The following JMJD1C variants were observed in gnomAD, a reference collection of about 807,000 sequenced individuals.
The protein encoded by JMJD1C is jumonji domain-containing protein 1C.
A neutral mutation model predicts 245.3 loss-of-function variants in JMJD1C; 31 were observed. The observed-to-expected ratio is 0.13, with a 90% CI of 0.09 to 0.17. JMJD1C has a LOEUF of 0.17. Ranked by LOEUF, JMJD1C falls within the 10% of genes least tolerant of loss-of-function variation. JMJD1C has a pLI of 1.00. For missense variants in JMJD1C, 2,691 were observed against 3,000.2 expected, an observed-to-expected ratio of 0.90 and a Z score of 2.41; for synonymous variants, 1,057 against 1,017.4, an observed-to-expected ratio of 1.04 and a Z score of -0.74.
At chr10:63,439,410 T>G (rs1454855861) in intron 1 of JMJD1C, among the ~76,000 whole-genome samples, 1 of 152,200 alleles carries the variant, frequency 6.6e-6, no homozygotes, top group Non-Finnish European at 1.5e-5. Context: ...TTAATATTAC[T>G]TAAAGAGAAA....
chr10:63,390,675 C>A (rs1055507530), intron 1 of JMJD1C, among the ~76,000 whole-genome samples: 2 of 152,112 alleles, frequency 1.3e-5, no homozygotes, highest in African/African-American at 4.8e-5. Context: ...AACAGCACAT[C>A]AAAAACATCA....
chr10:63,401,998 G>T (rs546380791), intron 1 of JMJD1C, among the ~76,000 whole-genome samples: 1 of 152,050 alleles, frequency 6.6e-6, no homozygotes, highest in Non-Finnish European at 1.5e-5. Flanking sequence ...GCCAGGCGTG[G>T]TGGTGCATGC....
At chr10:63,505,111 G>A (rs1954677684) in intron 1 of JMJD1C, among the ~76,000 whole-genome samples, 2 of 152,048 alleles carry the variant, frequency 1.3e-5, no homozygotes, top group African/African-American at 2.4e-5. Context: ...AGGAGATCGA[G>A]ACCATCCTGG....
chr10:63,169,536 T>G (rs528253642), intron 24 of JMJD1C, among the ~76,000 whole-genome samples: 3 of 151,958 alleles, frequency 2.0e-5, no homozygotes, highest in Admixed American at 6.6e-5. Flanking sequence ...ATGGAGACTG[T>G]GGGGAAAAAA....
chr10:63,311,405 A>G (rs1228834003), intron 2 of JMJD1C, among the ~76,000 whole-genome samples: 1 of 151,790 alleles, frequency 6.6e-6, no homozygotes, highest in Non-Finnish European at 1.5e-5. Flanking sequence ...AAATAAATAA[A>G]CTCAGTAACT....
rs1455272361 is a variant in JMJD1C at position 63,214,544 on chromosome 10, A to G, written c.1623T>C (p.Val541=). 4 of 1,613,794 alleles carry G rather than the reference A, an allele frequency of 2.5e-6. No individual in the cohort carries two copies. In the African/African-American group the frequency reaches 4.0e-5, roughly 16 times the overall value. ...TTGCAATAGAGTGTTTTGAATCACT[A>G]ACATTAGGATCCATTTTCTGAAGTG... ...LQTLQKMDPN[V]SDSKHSIANA... is the part of the protein sequence containing the mutation. Residue 541 remains valine (V), a synonymous_variant, in exon 8 of 26, where the codon GTT becomes GTC. Transcript: ENST00000399262.
intron 2 of JMJD1C, among the ~76,000 whole-genome samples, chr10:63,299,880 A>C (rs1276463451): frequency 6.6e-6 from 1 of 150,652 alleles, no homozygotes; most frequent in Non-Finnish European, 1.5e-5. Flanking sequence ...GTCTTCTTGA[A>C]TTTTCAGTTT....
chr10:63,281,458 C>CTTTTT lies in JMJD1C; in HGVS notation c.334-16699_334-16695dup, dbSNP rs71025144. Among the ~76,000 whole-genome samples, 40 of 65,384 alleles carry CTTTTT rather than the reference C, an allele frequency of 6.1e-4. 10 individuals carry two copies. Among genetic ancestry groups the CTTTTT allele is most frequent in the African/African-American group, 2.8e-3 (40 of 14,206 alleles). 42.9% of individuals were successfully genotyped at this position (65,384 alleles called of 152,430 possible). On this transcript the variant is annotated intron_variant, in intron 2 of 25. Transcript: ENST00000399262. ...ACAGGCGTGAGCCACTGCGCCTGGC[C>CTTTTT]TTTTTTTTTTTTTTTTTTTTTTTTT...
In JMJD1C at chr10:63,465,647, G is replaced by A; in HGVS notation, c.16C>T (p.Arg6Trp). Residue 6 changes from arginine (R) to tryptophan (W), a missense_variant, in exon 1 of 26, where the codon CGG becomes TGG. This residue lies in a region of JMJD1C where 135 missense variants were observed against 115.5 expected (regional missense o/e 1.17). Coordinates refer to ENST00000399262, the MANE Select transcript of JMJD1C (RefSeq NM_032776.3). MAVET[R>W]AELVGKRFLC... is the part of the protein sequence containing the mutation. ...AACCGCTTACCCACCAGCTCTGCCCGCGTCTCTACCGCCATAGCTGTCGCT... is the reference window on the plus strand; with the variant it reads ...AACCGCTTACCCACCAGCTCTGCCCACGTCTCTACCGCCATAGCTGTCGCT... The A allele has an allele frequency of 6.2e-7, 1 of 1,609,262 alleles. No homozygotes were observed.
intron 1 of JMJD1C, chr10:63,427,776 G>C: frequency 7.4e-7 from 1 of 1,353,578 alleles, no homozygotes; most frequent in Non-Finnish European, 1.1e-6. Flanking sequence ...AGACTATGAA[G>C]GGTTTTGAAT....
At chr10:63,280,602 A>G (rs767366665) in intron 2 of JMJD1C, among the ~76,000 whole-genome samples, 7 of 152,176 alleles carry the variant, frequency 4.6e-5, no homozygotes, top group African/African-American at 2.4e-5. Context: ...TATAAGGAAT[A>G]TATTTCTGCC....
chr10:63,394,809 A>G (rs1589661411), intron 1 of JMJD1C, among the ~76,000 whole-genome samples: 1 of 149,876 alleles, frequency 6.7e-6, no homozygotes, highest in Non-Finnish European at 1.5e-5. Context: ...ACGCCATTGC[A>G]CTCTAGCCTG....
At chr10:63,360,501 T>C (rs1200731595) in intron 2 of JMJD1C, among the ~76,000 whole-genome samples, 1 of 152,242 alleles carries the variant, frequency 6.6e-6, no homozygotes, top group Non-Finnish European at 1.5e-5. Context: ...AAACTTGGCT[T>C]GCAATCTTGG....
rs540765736 is a variant in JMJD1C at position 63,418,520 on chromosome 10, T to C, written c.169-38038A>G. ...TTTAATCTCAATTTTCCTTTATGGC[T>C]CAAAGGAAAGGATACCTTCACAATT... On this transcript the variant is annotated intron_variant, in intron 1 of 25. Coordinates refer to ENST00000399262, the MANE Select transcript of JMJD1C (RefSeq NM_032776.3). Among the ~76,000 whole-genome samples, 15 of 152,294 alleles carry C rather than the reference T, an allele frequency of 9.8e-5. No individual in the cohort carries two copies. In the South Asian group the frequency reaches 1.0e-3, roughly 11 times the overall value.
At chr10:63,421,055 C>T (rs897394661) in intron 1 of JMJD1C, among the ~76,000 whole-genome samples, 1 of 152,152 alleles carries the variant, frequency 6.6e-6, no homozygotes, top group African/African-American at 2.4e-5. Flanking sequence ...CAAACTCAGG[C>T]CAGGTGTGGT....
intron 13 of JMJD1C, 53 bp from the exon 14 acceptor site, chr10:63,194,428 T>C: frequency 1.7e-6 from 2 of 1,201,932 alleles, no homozygotes; most frequent in Admixed American, 3.4e-5. Flanking sequence ...AATTATAAAT[T>C]GATAGTGTAA....
intron 3 of JMJD1C, among the ~76,000 whole-genome samples, chr10:63,234,514 A>AAAAAAAAAAAAAAAAAAAAAAC (rs1564654915): frequency 6.7e-6 from 1 of 149,258 alleles, no homozygotes; most frequent in African/African-American, 2.5e-5. Context: ...AAAAAAAAAA[A>AAAAAAAAAAAAAAAAAAAAAAC]AAAAAAACAC....
chr10:63,462,874 G>A (rs886241271), intron 1 of JMJD1C, among the ~76,000 whole-genome samples: 3 of 152,054 alleles, frequency 2.0e-5, no homozygotes, highest in South Asian at 2.1e-4. Context: ...CCAAGATTAC[G>A]TTAATTAAAC....
chr10:63,187,903 T>C lies in JMJD1C; in HGVS notation c.6570+1265A>G, dbSNP rs77083318. 1.9e-3 allele frequency among the ~76,000 whole-genome samples: 291 copies of C among 152,302 alleles called. 8 individuals carry two copies. The East Asian group carries it at 0.041, about 21-fold the overall frequency. ...ATAATGTTAAAACTCCTTAGCATGATATATAAGGGCATTTCATGATCATTC... is the reference window on the plus strand; with the variant it reads ...ATAATGTTAAAACTCCTTAGCATGACATATAAGGGCATTTCATGATCATTC... On this transcript the variant is annotated intron_variant, in intron 18 of 25. Transcript: ENST00000399262.
Sources: gnomAD v4.1 joint callset for allele counts (sites outside exome capture counted in the v4.1 genomes callset) on GRCh38, gnomAD v4.1.1 for gene constraint, gnomAD v4.1.1 regional missense constraint, MANE v1.5 for transcripts, NCBI Gene and HGNC (gene_info 2026-07-23, HGNC 2026-07-21) for gene names.